Variants in TRIM23 observed in about 807,000 individuals in gnomAD.
The protein encoded by TRIM23 is tripartite motif containing 23.
TRIM23 carries 27 observed loss-of-function variants against 71.0 expected under a neutral mutation model. The ratio of observed to expected loss-of-function variants is 0.38; its 90% CI spans 0.28 to 0.52. TRIM23 has a LOEUF of 0.52. Ranked by LOEUF, TRIM23 falls within the 20% of genes least tolerant of loss-of-function variation. The probability of loss-of-function intolerance (pLI) is 0.84; values close to 1 mark genes in which losing one functional copy is unlikely to be tolerated. For missense variants in TRIM23, 482 were observed against 692.3 expected (o/e 0.70, Z 3.41); for synonymous variants, 234 against 238.0 (o/e 0.98, Z 0.16).
intron 7 of TRIM23, among the ~76,000 whole-genome samples, chr5:65,601,271 C>T (rs557700365): frequency 6.6e-6 from 1 of 152,252 alleles, no homozygotes; most frequent in East Asian, 1.9e-4. Context: ...AATGAACAAA[C>T]AAAATGTGGT....
chr5:65,591,414 T>A lies in TRIM23; in HGVS notation c.*355A>T, dbSNP rs2150617447. ...TCTCATTAGGCACTCAATTGGCTAT[T>A]CTTTTTTCACTGAAAGAATAAACCT... is the stretch of plus-strand genomic sequence containing the variant. On this transcript the variant is annotated 3_prime_UTR_variant, in exon 11 of 11. Coordinates refer to ENST00000231524, the MANE Select transcript of TRIM23 (RefSeq NM_001656.4). 4 of 1,583,436 alleles carry A rather than the reference T, an allele frequency of 2.5e-6. No individual in the cohort carries two copies. Among genetic ancestry groups the A allele is most frequent in the Non-Finnish European group, 3.4e-6 (4 of 1,166,578 alleles).
rs73763168 is a variant in TRIM23, at chr5:65,618,448, A to T, written c.82-193T>A. On this transcript the variant is annotated intron_variant, in intron 1 of 10. Transcript: ENST00000231524. ...CCATTTGACCGACCCTGTCAAAATT[A>T]TATCATAATGAAATATCTTTGAAAT... Among the ~76,000 whole-genome samples the T allele has an allele frequency of 6.0e-3, 919 of 152,320 alleles. 9 individuals carry two copies. The highest frequency in any genetic ancestry group is 0.02 in the African/African-American group (837 of 41,572).
At chr5:65,592,248 C>T (rs1289824251) in intron 10 of TRIM23, among the ~76,000 whole-genome samples, 1 of 152,080 alleles carries the variant, frequency 6.6e-6, no homozygotes, top group Non-Finnish European at 1.5e-5. Context: ...TCTTTTGAGA[C>T]AGAGTCTCAC....
intron 7 of TRIM23, among the ~76,000 whole-genome samples, chr5:65,598,870 C>G (rs575108151): frequency 6.6e-6 from 1 of 151,882 alleles, no homozygotes; most frequent in African/African-American, 2.4e-5. Flanking sequence ...AAAAAAAGCA[C>G]GTAATCATCT....
At chr5:65,617,033 T>A (rs1209520952) in intron 2 of TRIM23, among the ~76,000 whole-genome samples, 4 of 152,190 alleles carry the variant, frequency 2.6e-5, no homozygotes, top group Non-Finnish European at 1.5e-5. Flanking sequence ...AGTATAGTTT[T>A]ATATAAAGAA....
intron 1 of TRIM23, among the ~76,000 whole-genome samples, chr5:65,622,308 A>C (rs898291297): frequency 2.0e-5 from 3 of 152,128 alleles, no homozygotes; most frequent in African/African-American, 7.2e-5. Context: ...TGGGATTAAC[A>C]GGCCCACACC....
intron 7 of TRIM23, among the ~76,000 whole-genome samples, chr5:65,599,797 A>G (rs1754312726): frequency 6.6e-6 from 1 of 152,258 alleles, no homozygotes. Flanking sequence ...ATTTTGAAAA[A>G]GAAAAAAGTT....
chr5:65,622,647 T>G (rs971360533), intron 1 of TRIM23, among the ~76,000 whole-genome samples: 1 of 152,202 alleles, frequency 6.6e-6, no homozygotes, highest in Non-Finnish European at 1.5e-5. Flanking sequence ...GACAGTGAGA[T>G]TTTTTTAGTT....
intron 10 of TRIM23, among the ~76,000 whole-genome samples, chr5:65,592,560 AAATT>A (rs1196458391): frequency 6.6e-6 from 1 of 152,056 alleles, no homozygotes; most frequent in Admixed American, 6.6e-5. Flanking sequence ...TAAAAAAAAA[AAATT>A]AACACATAGA....
At chr5:65,617,489 C>T (rs1296545005) in intron 2 of TRIM23, among the ~76,000 whole-genome samples, 4 of 152,128 alleles carry the variant, frequency 2.6e-5, no homozygotes, top group Non-Finnish European at 5.9e-5. Context: ...TGTAAAATAA[C>T]TGTTCAAATG....
chr5:65,621,376 T>A (rs1368696047), intron 1 of TRIM23, among the ~76,000 whole-genome samples: 2 of 152,154 alleles, frequency 1.3e-5, no homozygotes, highest in African/African-American at 4.8e-5. Context: ...GAATTTGATA[T>A]AAAATAAATG....
At position 65,618,299 on chromosome 5, in the gene TRIM23, A is replaced by T. The variant is rs770624168; in HGVS notation, c.82-44T>A. The T allele has an allele frequency of 2.6e-6, 4 of 1,551,216 alleles. No individual in the cohort carries two copies. In the Admixed American group the frequency reaches 8.0e-5, roughly 31 times the overall value. On this transcript the variant is annotated intron_variant, in intron 1 of 10. Transcript: ENST00000231524. Reference sequence around the variant, plus strand: ...GGATGTGCTCTTTAAACAATTTTAAAAGCATACATATTTTAGGTATATAAG... The same window carrying T: ...GGATGTGCTCTTTAAACAATTTTAATAGCATACATATTTTAGGTATATAAG...
chr5:65,603,416 C>A (rs1433012644), intron 7 of TRIM23, among the ~76,000 whole-genome samples: 2 of 151,946 alleles, frequency 1.3e-5, no homozygotes, highest in Admixed American at 1.3e-4. Context: ...TTAGGATGTA[C>A]AGCTAAGTAA....
At chr5:65,610,534 G>T (rs114136360) in intron 5 of TRIM23, among the ~76,000 whole-genome samples, 1 of 152,062 alleles carries the variant, frequency 6.6e-6, no homozygotes, top group African/African-American at 2.4e-5. Context: ...CTCATTCCCC[G>T]TTCTGCTCTT....
chr5:65,595,490 G>A (rs181321177), intron 9 of TRIM23, among the ~76,000 whole-genome samples: 2,176 of 150,762 alleles, frequency 0.014, 45 homozygotes, highest in African/African-American at 0.051. Context: ...CCTGGGAGGC[G>A]GAGCTTGCAG....
In TRIM23 at chr5:65,609,388, C is replaced by T. The variant is rs1561747583; in HGVS notation, c.899G>A (p.Cys300Tyr). 2 of 1,614,094 alleles carry T rather than the reference C, an allele frequency of 1.2e-6. No individual in the cohort carries two copies. The highest frequency in any genetic ancestry group is 1.7e-6 in the Non-Finnish European group (2 of 1,180,020). The change falls in exon 6 of 11, where the codon TGT (cysteine) becomes TAT (tyrosine). Residue 300 changes from cysteine (C) to tyrosine (Y), a missense_variant. Cys to Tyr is a radical substitution (Grantham distance 194, BLOSUM62 -2). This residue lies in a region of TRIM23 where 307 missense variants were observed against 495.8 expected (regional missense o/e 0.62). Coordinates refer to ENST00000231524, the MANE Select transcript of TRIM23 (RefSeq NM_001656.4). ...AYFYDLHETL[C>Y]RQEEMALSVV... ...ACTTAGAGCCATTTCTTCTTGACGACACAGAGTTTCATGTAGATCATAAAA... is the reference window on the plus strand; with the variant it reads ...ACTTAGAGCCATTTCTTCTTGACGATACAGAGTTTCATGTAGATCATAAAA...
rs759713536 is a variant in TRIM23 at position 65,611,615 on chromosome 5, G to C, written c.633C>G (p.His211Gln). Residue 211 changes from histidine (H) to glutamine (Q), a missense_variant, in exon 4 of 11, where the codon CAC becomes CAG. His to Gln is a conservative substitution (Grantham distance 24, BLOSUM62 0). This residue lies in a region of TRIM23 where 307 missense variants were observed against 495.8 expected (regional missense o/e 0.62). Coordinates refer to ENST00000231524, the MANE Select transcript of TRIM23 (RefSeq NM_001656.4). ...MCCVCKEYGK[H>Q]QGHKHSVLEP... ...ATTAAATTCATACCTTGTGACCCTGGTGTTTTCCATATTCTTTGCAGACAC... is the reference window on the plus strand; with the variant it reads ...ATTAAATTCATACCTTGTGACCCTGCTGTTTTCCATATTCTTTGCAGACAC... The C allele has an allele frequency of 6.2e-7, 1 of 1,613,184 alleles. No homozygotes were observed. The highest frequency in any genetic ancestry group is 1.1e-5 in the South Asian group (1 of 91,064).
In TRIM23 at chr5:65,590,331, T is replaced by G. The variant is rs776158349; in HGVS notation, c.*1438A>C. 8 of 1,458,858 alleles carry G rather than the reference T, an allele frequency of 5.5e-6. No homozygotes were observed. The highest frequency in any genetic ancestry group is 7.5e-6 in the Non-Finnish European group (8 of 1,065,504). 90.4% of individuals were successfully genotyped at this position (1,458,858 alleles called of 1,614,324 possible). A position where few individuals can be genotyped will look rare whatever the true frequency, so the allele number is the denominator to read the frequency against. ...AAAAATAAAGGATGAAATATTACAT[T>G]TATTTATTTACATATTGCCCATAAT... On this transcript the variant is annotated 3_prime_UTR_variant, in exon 11 of 11. Transcript: ENST00000231524.
At chr5:65,599,602 A>G (rs1754307728) in intron 7 of TRIM23, among the ~76,000 whole-genome samples, 1 of 152,222 alleles carries the variant, frequency 6.6e-6, no homozygotes. Flanking sequence ...AAATTAAGAC[A>G]TAAATAGACA....
Sources: allele counts gnomAD v4.1 joint callset (sites outside exome capture counted in the v4.1 genomes callset), GRCh38; gene constraint gnomAD v4.1.1; regional missense constraint gnomAD v4.1.1; transcripts MANE v1.5; gene names NCBI Gene and HGNC (gene_info 2026-07-23, HGNC 2026-07-21).